Variants in EYS observed in about 807,000 individuals in gnomAD.
EYS encodes the protein EGF-like photoreceptor maintenance factor.
Under a neutral mutation model 282.1 loss-of-function variants are expected in EYS, and 250 were observed. The ratio of observed to expected loss-of-function variants is 0.89; its 90% CI spans 0.80 to 0.98. The LOEUF is 0.98. Ranked by LOEUF, EYS falls within the 50% of genes least tolerant of loss-of-function variation. The pLI is 0.00. For missense variants in EYS, 4,016 were observed against 3,709.0 expected (o/e 1.08, Z -2.15); for synonymous variants, 1,355 against 1,282.9 (o/e 1.06, Z -1.20).
rs1772697443 is a variant in EYS, at chr6:63,867,505, C to CT, written c.7056-3148dup. Among the ~76,000 whole-genome samples the CT allele has an allele frequency of 2.6e-5, 4 of 152,132 alleles. No individual in the cohort carries two copies. In the South Asian group the frequency reaches 8.3e-4, roughly 31 times the overall value. ...AGGACCATATTTATTTTGGCAATTG[C>CT]TGCCATCCAAAGTTTGTTGTGCACC... On this transcript the variant is annotated intron_variant, in intron 35 of 42. Transcript: ENST00000503581.
chr6:64,973,073 A>AT (rs954713396), intron 14 of EYS, among the ~76,000 whole-genome samples: 2 of 152,050 alleles, frequency 1.3e-5, no homozygotes, highest in Non-Finnish European at 2.9e-5. Context: ...TGACTTCACT[A>AT]TTATTTTGTA....
Position 63,984,596 on chromosome 6 carries a change from A to G in EYS, c.6842T>C (p.Phe2281Ser). Residue 2281 changes from phenylalanine (F) to serine (S), a missense_variant, in exon 35 of 43, where the codon TTT becomes TCT. Transcript: ENST00000503581. Reference protein sequence around the residue: ...TEISHASQAYFESMFLGHIPA... With the variant: ...TEISHASQAYSESMFLGHIPA... The stretch of plus-strand genomic sequence containing the variant: ...AATATGGCCAAGGAACATTGATTCA[A>G]AATATGCCTGTAGAAAAAGTAACAA... The G allele has an allele frequency of 6.5e-7, 1 of 1,546,128 alleles. No individual in the cohort carries two copies. Among genetic ancestry groups the G allele is most frequent in the Non-Finnish European group, 8.8e-7 (1 of 1,142,810 alleles).
chr6:64,565,948 T>C (rs993330528), intron 26 of EYS, among the ~76,000 whole-genome samples: 10 of 143,360 alleles, frequency 7.0e-5, no homozygotes, highest in African/African-American at 2.6e-4. Flanking sequence ...AAAGAAATCA[T>C]ACAAATTAAA....
chr6:64,633,919 C>A (rs1031974679), intron 22 of EYS, among the ~76,000 whole-genome samples: 1 of 152,086 alleles, frequency 6.6e-6, no homozygotes, highest in South Asian at 2.1e-4. Context: ...CCAGCACCAC[C>A]CAGACAAGCT....
At chr6:64,175,402 G>A (rs1477652338) in intron 31 of EYS, among the ~76,000 whole-genome samples, 1 of 152,172 alleles carries the variant, frequency 6.6e-6, no homozygotes, top group African/African-American at 2.4e-5. Context: ...AAGAAGGAAA[G>A]GAGAGAAAAC....
chr6:65,090,638 A>G (rs1774531624), intron 12 of EYS, among the ~76,000 whole-genome samples: 1 of 152,196 alleles, frequency 6.6e-6, no homozygotes, highest in Admixed American at 6.5e-5. Context: ...AGGATAAGTC[A>G]TGGGAGCGGC....
intron 35 of EYS, among the ~76,000 whole-genome samples, chr6:63,953,961 G>C (rs6904132): frequency 0.4 from 60,525 of 151,926 alleles, 13,000 homozygotes; most frequent in African/African-American, 0.57. Flanking sequence ...ATGCTCAACT[G>C]ACTCTCTACA....
At chr6:64,452,781 G>A (rs1775406872) in intron 26 of EYS, among the ~76,000 whole-genome samples, 1 of 152,148 alleles carries the variant, frequency 6.6e-6, no homozygotes, top group Non-Finnish European at 1.5e-5. Context: ...TTTAATAAAT[G>A]GTGCTGGGAA....
At chr6:64,017,128 C>A (rs72875067) in intron 33 of EYS, among the ~76,000 whole-genome samples, 21 of 152,022 alleles carry the variant, frequency 1.4e-4, no homozygotes, top group Non-Finnish European at 2.9e-4. Context: ...GGAGGGAAAG[C>A]TGAAAGCAAA....
intron 31 of EYS, among the ~76,000 whole-genome samples, chr6:64,100,794 G>A (rs1036393263): frequency 3.3e-5 from 5 of 152,120 alleles, no homozygotes; most frequent in Non-Finnish European, 7.4e-5. Context: ...AGGGTAGGGG[G>A]TGGTTACTTA....
At chr6:64,283,517 A>G (rs564795852) in intron 30 of EYS, among the ~76,000 whole-genome samples, 4 of 152,320 alleles carry the variant, frequency 2.6e-5, no homozygotes, top group Admixed American at 2.6e-4. Context: ...TGATTAGATG[A>G]CTGACTGAAT....
At chr6:65,277,429 C>CA (rs369210712) in intron 12 of EYS, among the ~76,000 whole-genome samples, 6,750 of 58,138 alleles carry the variant, frequency 0.12, 221 homozygotes, top group South Asian at 0.29. Context: ...GAGATTCCGT[C>CA]AAAAAAAAAA....
intron 35 of EYS, among the ~76,000 whole-genome samples, chr6:63,938,630 A>C (rs1270902415): frequency 6.6e-6 from 1 of 152,210 alleles, no homozygotes; most frequent in Non-Finnish European, 1.5e-5. Context: ...TAAACTTTTG[A>C]CTTAATTTCT....
chr6:65,285,282 A>T (rs1358631908), intron 12 of EYS, among the ~76,000 whole-genome samples: 2 of 151,890 alleles, frequency 1.3e-5, no homozygotes, highest in Non-Finnish European at 2.9e-5. Flanking sequence ...AATAATTTGC[A>T]TTTTTTTCTA....
intron 35 of EYS, among the ~76,000 whole-genome samples, chr6:63,932,787 C>T (rs935215955): frequency 6.6e-6 from 1 of 152,214 alleles, no homozygotes; most frequent in African/African-American, 2.4e-5. Context: ...AGTTGACATC[C>T]TCTACTAATT....
At chr6:64,168,774 A>C (rs1764381586) in intron 31 of EYS, among the ~76,000 whole-genome samples, 1 of 152,182 alleles carries the variant, frequency 6.6e-6, no homozygotes, top group Non-Finnish European at 1.5e-5. Context: ...AAATGGACAC[A>C]AAGGGATTTT....
At chr6:64,815,671 A>G (rs1013267148) in intron 21 of EYS, among the ~76,000 whole-genome samples, 4 of 152,088 alleles carry the variant, frequency 2.6e-5, no homozygotes, top group African/African-American at 9.6e-5. Flanking sequence ...TTTCCCAAAG[A>G]GTTCACTAAA....
chr6:65,188,875 A>T (rs1027283130), intron 12 of EYS, among the ~76,000 whole-genome samples: 20 of 151,328 alleles, frequency 1.3e-4, no homozygotes, highest in Non-Finnish European at 2.8e-4. Context: ...GGGGCTTCAG[A>T]GGGAATGCAG....
chr6:64,602,478 C>T (rs533242412), intron 24 of EYS, among the ~76,000 whole-genome samples: 61 of 152,094 alleles, frequency 4.0e-4, no homozygotes, highest in Non-Finnish European at 7.2e-4. Flanking sequence ...GAAATAAGGG[C>T]CACATCATGT....
Sources: allele counts gnomAD v4.1 joint callset (sites outside exome capture counted in the v4.1 genomes callset), GRCh38; gene constraint gnomAD v4.1.1; transcripts MANE v1.5; gene names NCBI Gene and HGNC (gene_info 2026-07-23, HGNC 2026-07-21).